Variants in PCDHGB5 observed in about 807,000 individuals in gnomAD.
PCDHGB5 encodes protocadherin gamma-B5.
A neutral mutation model predicts 62.9 loss-of-function variants in PCDHGB5; 48 were observed. The observed-to-expected ratio is 0.76, with a 90% CI of 0.61 to 0.97. The LOEUF (loss-of-function observed/expected upper bound fraction) is 0.97. PCDHGB5 is among the 50% of genes least tolerant of loss of function. The probability of loss-of-function intolerance (pLI) is 0.00; values close to 1 mark genes in which losing one functional copy is unlikely to be tolerated. For missense variants in PCDHGB5, 1,118 were observed against 1,198.6 expected (o/e 0.93, Z 0.99); for synonymous variants, 474 against 511.2 (o/e 0.93, Z 0.98).
intron 1 of PCDHGB5, chr5:141,403,422 C>T (rs749764130): frequency 6.2e-7 from 1 of 1,613,912 alleles, no homozygotes; most frequent in Admixed American, 1.7e-5. Flanking sequence ...CTTCCAGAAG[C>T]TATTGATCCG....
At chr5:141,403,039 T>A (rs989723883) in intron 1 of PCDHGB5, 64 of 1,614,050 alleles carry the variant, frequency 4.0e-5, no homozygotes, top group Non-Finnish European at 5.4e-5. Context: ...CCAGGGCCAG[T>A]CAGATTCGCT....
In PCDHGB5 at chr5:141,419,332, C is replaced by T. The variant is rs1356380695; in HGVS notation, c.2397+18808C>T. On this transcript the variant is annotated intron_variant, in intron 1 of 3. Transcript: ENST00000617380. Reference sequence around the variant, plus strand: ...TCAACGGCCGTGTCTCCTACTCTCTCATTGCCAGCGACCTGGAGTCACGAA... The same window carrying T: ...TCAACGGCCGTGTCTCCTACTCTCTTATTGCCAGCGACCTGGAGTCACGAA... 3.7e-6 allele frequency: 6 copies of T among 1,613,832 alleles called. No individual in the cohort carries two copies. The Admixed American group carries it at 8.3e-5, about 22-fold the overall frequency.
At chr5:141,422,038 G>A (rs949164524) in intron 1 of PCDHGB5, 9 of 1,611,746 alleles carry the variant, frequency 5.6e-6, no homozygotes, top group Non-Finnish European at 7.6e-6. Context: ...AACGGATCCA[G>A]ACGAGGGAAT....
At chr5:141,404,806 G>T (rs774487660) in intron 1 of PCDHGB5, 2 of 1,613,992 alleles carry the variant, frequency 1.2e-6, no homozygotes, top group South Asian at 1.1e-5. Context: ...GGCTCTTCTC[G>T]GTGGGGCTGC....
intron 1 of PCDHGB5, among the ~76,000 whole-genome samples, chr5:141,444,733 G>A (rs1464370133): frequency 6.6e-6 from 1 of 152,106 alleles, no homozygotes; most frequent in Non-Finnish European, 1.5e-5. Flanking sequence ...TTTGTTGAAA[G>A]TCATTTCACT....
At chr5:141,433,699 T>C (rs2097645911) in intron 1 of PCDHGB5, among the ~76,000 whole-genome samples, 1 of 152,082 alleles carries the variant, frequency 6.6e-6, no homozygotes, top group Non-Finnish European at 1.5e-5. Flanking sequence ...TAGCCGGGCG[T>C]GGTGGTGCAT....
chr5:141,422,775 T>G (rs1179216247), intron 1 of PCDHGB5: 1 of 1,614,046 alleles, frequency 6.2e-7, no homozygotes, highest in Non-Finnish European at 8.5e-7. Context: ...GTGTTCTCTA[T>G]GCCCTACAAT....
chr5:141,460,026 C>T (rs565259315), intron 1 of PCDHGB5, among the ~76,000 whole-genome samples: 36 of 152,090 alleles, frequency 2.4e-4, no homozygotes, highest in Non-Finnish European at 3.2e-4. Flanking sequence ...TGCAGTGAGC[C>T]GAGACTGCAC....
intron 1 of PCDHGB5, chr5:141,426,591 A>G: frequency 1.4e-5 from 5 of 369,676 alleles, no homozygotes; most frequent in South Asian, 7.9e-5. Context: ...CCTCTGTGTC[A>G]TACCCTTAGA....
In PCDHGB5 at chr5:141,511,217, C is replaced by A. The variant is rs766814445; in HGVS notation, c.*44C>A. On this transcript the variant is annotated 3_prime_UTR_variant, in exon 4 of 4. Transcript: ENST00000617380. ...AGCCACAGGGCGGCCTCTCCCCAAC[C>A]AGCCCAGCTTCTCCTTACCTGCACC... The A allele has an allele frequency of 2.5e-6, 4 of 1,607,588 alleles. No homozygotes were observed. Among genetic ancestry groups the A allele is most frequent in the Non-Finnish European group, 3.4e-6 (4 of 1,177,026 alleles).
rs200724467 is a variant in PCDHGB5 at position 141,399,395 on chromosome 5, G to A, written c.1268G>A (p.Arg423Lys). 5,303 of 1,613,964 alleles carry A rather than the reference G, an allele frequency of 3.3e-3. 153 individuals carry two copies. In the South Asian group the frequency reaches 0.047, roughly 14 times the overall value. ...AATGTCACCATCACAGCCACAGACA[G>A]GGGCAAGCCGCCCCTCTCCTCCAGC... ...EYNVTITATDRGKPPLSSSIS... is the reference protein window; with the variant it reads ...EYNVTITATDKGKPPLSSSIS... Residue 423 changes from arginine to lysine, a missense_variant, in exon 1 of 4, where the codon AGG becomes AAG. Arg to Lys is a conservative substitution (Grantham distance 26, BLOSUM62 2). Around this residue, in one of 2 missense-constraint regions of PCDHGB5, gnomAD observed 1,034 missense variants for 1,029.1 expected, o/e 1.00. Coordinates refer to ENST00000617380, the MANE Select transcript of PCDHGB5 (RefSeq NM_018925.3).
Position 141,398,369 on chromosome 5 carries a change from G to A in PCDHGB5, c.242G>A (p.Ser81Asn), listed in dbSNP as rs889057054. The part of the protein sequence containing the change: ...EKPYFTVSAE[S>N]GELLVSSRLD... ...CCTTACTTCACCGTGAGCGCAGAGA[G>A]CGGGGAGTTGCTTGTGAGCAGCAGG... Residue 81 changes from serine (S) to asparagine (N), a missense_variant, in exon 1 of 4, where the codon AGC (serine) becomes AAC (asparagine). By Grantham distance (46) the Ser-to-Asn change is conservative. Around this residue, in one of 2 missense-constraint regions of PCDHGB5, gnomAD observed 84 missense variants for 169.5 expected, o/e 0.50. Coordinates refer to ENST00000617380, the MANE Select transcript of PCDHGB5 (RefSeq NM_018925.3). 2 of 1,428,778 alleles carry A rather than the reference G, an allele frequency of 1.4e-6. No individual in the cohort carries two copies. Among genetic ancestry groups the A allele is most frequent in the African/African-American group, 2.9e-5 (2 of 69,882 alleles). The allele number at this position is 1,428,778 out of a possible 1,614,324, so 88.5% of individuals were successfully genotyped here.
rs1032445242 is a variant in PCDHGB5 at position 141,487,571 on chromosome 5, G to C, written c.2398-7236G>C. The C allele has an allele frequency of 6.2e-7, 1 of 1,614,060 alleles. No homozygotes were observed. The highest frequency in any genetic ancestry group is 8.5e-7 in the Non-Finnish European group (1 of 1,180,046). ...CAGTGCACCTATGGCAGGGGAGCCTGTTCGCCCAAGCTGCCCACCCTCTGA... is the reference window on the plus strand; with the variant it reads ...CAGTGCACCTATGGCAGGGGAGCCTCTTCGCCCAAGCTGCCCACCCTCTGA... On this transcript the variant is annotated intron_variant, in intron 1 of 3. Transcript: ENST00000617380. This position sits in a 1 kb window ranked among gnomAD's most constrained non-coding sequence, Gnocchi z 5.0.
rs750804901 is a variant in PCDHGB5 at position 141,476,422 on chromosome 5, C to G, written c.2398-18385C>G. On this transcript the variant is annotated intron_variant, in intron 1 of 3. Coordinates refer to ENST00000617380, the MANE Select transcript of PCDHGB5 (RefSeq NM_018925.3). The surrounding 1 kb of genome is among the most constrained non-coding windows in gnomAD (Gnocchi z 7.6). ...GAGAGGAGCTGTGTGGGACACTGCC[C>G]TCTTGCACTGTAACTCTGGAGTTGG... 17 of 1,614,026 alleles carry G rather than the reference C, an allele frequency of 1.1e-5. No individual in the cohort carries two copies. The highest frequency in any genetic ancestry group is 1.4e-5 in the Non-Finnish European group (17 of 1,180,030).
Position 141,487,564 on chromosome 5 carries a change from G to A in PCDHGB5, c.2398-7243G>A, listed in dbSNP as rs1436847912. ...AGTCACCCAGTGCACCTATGGCAGG[G>A]GAGCCTGTTCGCCCAAGCTGCCCAC... On this transcript the variant is annotated intron_variant, in intron 1 of 3. Coordinates refer to ENST00000617380, the MANE Select transcript of PCDHGB5 (RefSeq NM_018925.3). This position sits in a 1 kb window ranked among gnomAD's most constrained non-coding sequence, Gnocchi z 5.0. 3 of 1,614,178 alleles carry A rather than the reference G, an allele frequency of 1.9e-6. No homozygotes were observed. Among genetic ancestry groups the A allele is most frequent in the Non-Finnish European group, 2.5e-6 (3 of 1,180,040 alleles).
At position 141,476,744 on chromosome 5, in the gene PCDHGB5, CT is replaced by C; in HGVS notation, c.2398-18062del. ...CCTGGACCGAGAACGGGAGCCTAGT[CT>C]CCAGTTAGTGCTGACGGCGTTGGAC... is the stretch of plus-strand genomic sequence containing the variant. On this transcript the variant is annotated intron_variant, in intron 1 of 3. Coordinates refer to ENST00000617380, the MANE Select transcript of PCDHGB5 (RefSeq NM_018925.3). The surrounding 1 kb of genome is among the most constrained non-coding windows in gnomAD (Gnocchi z 7.6). 6.2e-7 allele frequency: 1 copy of C among 1,614,046 alleles called. No homozygotes were observed. Among genetic ancestry groups the C allele is most frequent in the East Asian group, 2.2e-5 (1 of 44,884 alleles).
chr5:141,496,932 T>G (rs1336402833), intron 2 of PCDHGB5, among the ~76,000 whole-genome samples: 1 of 148,964 alleles, frequency 6.7e-6, no homozygotes, highest in Non-Finnish European at 1.5e-5. Context: ...ACGCCTGTAA[T>G]CCCAGCACTT....
intron 1 of PCDHGB5, chr5:141,403,591 G>A (rs1377998886): frequency 2.5e-6 from 4 of 1,613,836 alleles, no homozygotes; most frequent in East Asian, 2.2e-5. Context: ...TGGTCCTCAC[G>A]GCCTCGGATG....
In PCDHGB5 at chr5:141,432,172, C is replaced by G. The variant is rs562175068; in HGVS notation, c.2397+31648C>G. On this transcript the variant is annotated intron_variant, in intron 1 of 3. Transcript: ENST00000617380. This position sits in a 1 kb window ranked among gnomAD's most constrained non-coding sequence, Gnocchi z 6.0. ...AGAACAATCCCAGAGGAGTTTCCCTCGTCTCTGTGACCGCCCACGACCCCG... is the reference window on the plus strand; with the variant it reads ...AGAACAATCCCAGAGGAGTTTCCCTGGTCTCTGTGACCGCCCACGACCCCG... 9 of 1,614,034 alleles carry G rather than the reference C, an allele frequency of 5.6e-6. No homozygotes were observed. The highest frequency in any genetic ancestry group is 7.6e-6 in the Non-Finnish European group (9 of 1,180,046).
Sources: gnomAD v4.1 joint callset for allele counts (sites outside exome capture counted in the v4.1 genomes callset) on GRCh38, gnomAD v4.1.1 for gene constraint, gnomAD v4.1.1 regional missense constraint, Gnocchi (gnomAD v3.1) non-coding constraint, MANE v1.5 for transcripts, NCBI Gene and HGNC (gene_info 2026-07-23, HGNC 2026-07-21) for gene names.